Variants in NTRK2 observed in about 807,000 individuals in gnomAD.
The protein encoded by NTRK2 is neurotrophic receptor tyrosine kinase 2.
Under a neutral mutation model 94.5 loss-of-function variants are expected in NTRK2, and 13 were observed. The ratio of observed to expected loss-of-function variants is 0.14; its 90% confidence interval spans 0.09 to 0.22. The LOEUF (loss-of-function observed/expected upper bound fraction) is 0.22, where lower values mean the gene tolerates loss of function less well. Ranked by LOEUF, NTRK2 falls within the 10% of genes least tolerant of loss-of-function variation. The pLI is 1.00. For missense variants in NTRK2, 639 were observed against 1,071.2 expected (o/e 0.60, Z 5.63); for synonymous variants, 372 against 407.4 (o/e 0.91, Z 1.05).
rs529594933 is a variant in NTRK2 at position 84,899,041 on chromosome 9, A to G, written c.1633+31610A>G. Among the ~76,000 whole-genome samples the G allele has an allele frequency of 3.9e-5, 6 of 152,322 alleles. No homozygotes were observed. In the East Asian group the frequency reaches 1.2e-3, roughly 29 times the overall value. On this transcript the variant is annotated intron_variant, in intron 14 of 18. Coordinates refer to ENST00000277120, the MANE Select transcript of NTRK2 (RefSeq NM_006180.6). ...TAAGAGGCTTGCCTTCAGTGACAACAAAGTCTAGTATAACACAAATATGCT... is the reference window on the plus strand; with the variant it reads ...TAAGAGGCTTGCCTTCAGTGACAACGAAGTCTAGTATAACACAAATATGCT...
chr9:85,022,729 A>G lies in NTRK2; in HGVS notation c.*1292A>G, dbSNP rs201483295. The stretch of plus-strand genomic sequence containing the variant: ...AGATCCATAAAAAGGTATGACTTAT[A>G]CAATTAGGGGAAGCTAATGGAGTTT... On this transcript the variant is annotated 3_prime_UTR_variant, in exon 19 of 19. Coordinates refer to ENST00000277120, the MANE Select transcript of NTRK2 (RefSeq NM_006180.6). 1 of 233,230 alleles carries G rather than the reference A, an allele frequency of 4.3e-6. No homozygotes were observed. Among genetic ancestry groups the G allele is most frequent in the Non-Finnish European group, 8.5e-6 (1 of 118,040 alleles). The allele number at this position is 233,230 out of a possible 1,614,324, so 14.4% of individuals were successfully genotyped here. A position where few individuals can be genotyped will look rare whatever the true frequency, so the allele number is the denominator to read the frequency against.
At chr9:84,780,447 C>T (rs964642386) in intron 12 of NTRK2, among the ~76,000 whole-genome samples, 8 of 152,134 alleles carry the variant, frequency 5.3e-5, no homozygotes, top group African/African-American at 1.7e-4. Flanking sequence ...ATCCACCTCC[C>T]GGACTTCCAC....
In NTRK2 at chr9:85,011,322, A is replaced by G. The variant is rs146228819; in HGVS notation, c.2173-8884A>G. Reference sequence around the variant, plus strand: ...ATTCAGAGCTGTTCTTGCTCCCCTGAACTGTGCCAGAATCAGAAGGGAGGG... The same window carrying G: ...ATTCAGAGCTGTTCTTGCTCCCCTGGACTGTGCCAGAATCAGAAGGGAGGG... On this transcript the variant is annotated intron_variant, in intron 17 of 18. Transcript: ENST00000277120. 5.7e-3 allele frequency among the ~76,000 whole-genome samples: 867 copies of G among 152,272 alleles called. 25 individuals carry two copies. Among genetic ancestry groups the G allele is most frequent in the East Asian group, 0.039 (201 of 5,176 alleles).
chr9:84,853,483 G>A (rs1406923787), intron 12 of NTRK2, among the ~76,000 whole-genome samples: 1 of 152,190 alleles, frequency 6.6e-6, no homozygotes, highest in African/African-American at 2.4e-5. Context: ...CAAATCAGGA[G>A]AGTAGCAAAT....
intron 14 of NTRK2, among the ~76,000 whole-genome samples, chr9:84,928,005 C>A: frequency 6.6e-6 from 1 of 152,170 alleles, no homozygotes; most frequent in Non-Finnish European, 1.5e-5. Context: ...TGATAATGCA[C>A]ATTGGGAATT....
intron 17 of NTRK2, among the ~76,000 whole-genome samples, chr9:84,975,212 T>A (rs1389230007): frequency 6.6e-6 from 1 of 152,072 alleles, no homozygotes; most frequent in Non-Finnish European, 1.5e-5. Context: ...GTGGAGCTTT[T>A]TTCCCCCCTC....
At chr9:85,000,051 G>A (rs565150901) in intron 17 of NTRK2, among the ~76,000 whole-genome samples, 21 of 152,100 alleles carry the variant, frequency 1.4e-4, no homozygotes, top group African/African-American at 5.1e-4. Context: ...ACACAGCCTC[G>A]GGTCACATCC....
At chr9:85,004,508 A>C (rs2378676) in intron 17 of NTRK2, among the ~76,000 whole-genome samples, 73,342 of 152,062 alleles carry the variant, frequency 0.48, 18,135 homozygotes, top group Middle Eastern at 0.57. Flanking sequence ...TTAACCAGTT[A>C]ATAGAGTATC....
intron 2 of NTRK2, among the ~76,000 whole-genome samples, chr9:84,685,226 C>G (rs1451725463): frequency 6.6e-6 from 1 of 151,770 alleles, no homozygotes; most frequent in Non-Finnish European, 1.5e-5. Flanking sequence ...GCTATCTTTC[C>G]CTCGCTAATT....
chr9:84,732,468 G>A (rs1317294754), intron 9 of NTRK2, among the ~76,000 whole-genome samples: 1 of 152,186 alleles, frequency 6.6e-6, no homozygotes, highest in African/African-American at 2.4e-5. Context: ...AACCAGGAGT[G>A]AGCCTCACTG....
At chr9:84,799,246 GC>G (rs2133357583) in intron 12 of NTRK2, among the ~76,000 whole-genome samples, 1 of 152,172 alleles carries the variant, frequency 6.6e-6, no homozygotes, top group African/African-American at 2.4e-5. Flanking sequence ...TCTACTCTGT[GC>G]CTTCAAGATC....
intron 2 of NTRK2, among the ~76,000 whole-genome samples, chr9:84,691,259 T>G (rs1351183696): frequency 1.3e-5 from 2 of 152,204 alleles, no homozygotes; most frequent in African/African-American, 4.8e-5. Context: ...AATCCAGAAG[T>G]AGCTTTCATT....
At chr9:84,885,022 CGGAT>C (rs1003444156) in intron 14 of NTRK2, among the ~76,000 whole-genome samples, 1 of 152,076 alleles carries the variant, frequency 6.6e-6, no homozygotes, top group Admixed American at 6.6e-5. Flanking sequence ...GGCAAGGAAA[CGGAT>C]GGAAAACTCA....
At chr9:84,802,063 A>C (rs1271862796) in intron 12 of NTRK2, among the ~76,000 whole-genome samples, 1 of 152,210 alleles carries the variant, frequency 6.6e-6, no homozygotes, top group African/African-American at 2.4e-5. Context: ...TTTCCTTTTA[A>C]TCACTTTGAC....
rs1317564081 is a variant in NTRK2 at position 84,699,436 on chromosome 9, G to A, written c.213-2723G>A. The stretch of plus-strand genomic sequence containing the variant: ...GGGCATTCTTGCCCCCACAGTAGAA[G>A]CGTATTCTCTAGTGACCATTTTTCA... On this transcript the variant is annotated intron_variant, in intron 2 of 18. Transcript: ENST00000277120. 3.9e-5 allele frequency among the ~76,000 whole-genome samples: 6 copies of A among 152,186 alleles called. No individual in the cohort carries two copies. In the East Asian group the frequency reaches 1.2e-3, roughly 29 times the overall value.
chr9:84,720,919 T>C (rs975258536), intron 6 of NTRK2, among the ~76,000 whole-genome samples: 2 of 152,032 alleles, frequency 1.3e-5, no homozygotes, highest in South Asian at 4.1e-4. Context: ...AGCAAATAAA[T>C]GAAAAGTTGG....
intron 17 of NTRK2, among the ~76,000 whole-genome samples, chr9:85,004,788 A>G (rs1830774777): frequency 6.6e-6 from 1 of 152,198 alleles, no homozygotes; most frequent in African/African-American, 2.4e-5. Flanking sequence ...TCAGGAGTCA[A>G]AGGGTGACCG....
At chr9:84,697,651 A>C (rs188774353) in intron 2 of NTRK2, among the ~76,000 whole-genome samples, 1 of 152,074 alleles carries the variant, frequency 6.6e-6, no homozygotes, top group Admixed American at 6.5e-5. Context: ...TGAGGCAGAG[A>C]GCAGGAGAGG....
At chr9:84,841,559 T>G (rs1330175148) in intron 12 of NTRK2, among the ~76,000 whole-genome samples, 2 of 152,242 alleles carry the variant, frequency 1.3e-5, no homozygotes, top group African/African-American at 4.8e-5. Context: ...CATTTGTATC[T>G]GTGGCTCCCT....
Sources: gnomAD v4.1 joint callset for allele counts (sites outside exome capture counted in the v4.1 genomes callset) on GRCh38, gnomAD v4.1.1 for gene constraint, MANE v1.5 for transcripts, NCBI Gene and HGNC (gene_info 2026-07-23, HGNC 2026-07-21) for gene names.